The following ELMO1 variants were observed in gnomAD, a reference collection of about 807,000 sequenced individuals.
ELMO1 encodes the protein engulfment and cell motility 1.
Under a neutral mutation model 98.9 loss-of-function variants are expected in ELMO1, and 26 were observed. The ratio of observed to expected loss-of-function variants is 0.26; its 90% CI spans 0.19 to 0.36. The LOEUF (loss-of-function observed/expected upper bound fraction) is 0.36, where lower values mean the gene tolerates loss of function less well. Ranked by LOEUF, ELMO1 falls within the 10% of genes least tolerant of loss-of-function variation. ELMO1 has a pLI of 1.00. For missense variants in ELMO1, 627 were observed against 935.2 expected (o/e 0.67, Z 4.30); for synonymous variants, 346 against 346.0 (o/e 1.00, Z 0.00).
At chr7:37,160,783 G>A (rs1563044942) in intron 13 of ELMO1, among the ~76,000 whole-genome samples, 1 of 152,100 alleles carries the variant, frequency 6.6e-6, no homozygotes, top group Non-Finnish European at 1.5e-5. Context: ...CTTTCTGCAG[G>A]AGCCAAAGAG....
At chr7:37,386,969 A>AGTTTT (rs1188145423) in intron 1 of ELMO1, among the ~76,000 whole-genome samples, 3 of 152,222 alleles carry the variant, frequency 2.0e-5, no homozygotes, top group East Asian at 1.9e-4. Flanking sequence ...CCCAGGCAGT[A>AGTTTT]GTTTTGTTTT....
intron 2 of ELMO1, among the ~76,000 whole-genome samples, chr7:37,329,366 G>C (rs777091089): frequency 2.0e-4 from 31 of 152,126 alleles, no homozygotes; most frequent in Non-Finnish European, 4.4e-5. Context: ...AGAGTAATTA[G>C]CATACCCATC....
At chr7:37,183,260 C>A (rs1358770739) in intron 13 of ELMO1, among the ~76,000 whole-genome samples, 1 of 152,206 alleles carries the variant, frequency 6.6e-6, no homozygotes, top group Non-Finnish European at 1.5e-5. Flanking sequence ...TTCATTTTCA[C>A]AGCAACTAAA....
chr7:37,063,952 T>C (rs1256319923), intron 15 of ELMO1, among the ~76,000 whole-genome samples: 1 of 152,184 alleles, frequency 6.6e-6, no homozygotes, highest in Non-Finnish European at 1.5e-5. Context: ...ATTACAATCA[T>C]GCTCTTTCTG....
chr7:37,352,028 G>C (rs1331314689), intron 1 of ELMO1, among the ~76,000 whole-genome samples: 1 of 151,718 alleles, frequency 6.6e-6, no homozygotes, highest in African/African-American at 2.4e-5. Context: ...CAAAAATAAA[G>C]AGTCAGGATT....
intron 13 of ELMO1, among the ~76,000 whole-genome samples, chr7:37,178,344 G>A (rs1244260369): frequency 2.0e-5 from 3 of 151,746 alleles, no homozygotes; most frequent in Non-Finnish European, 4.4e-5. Context: ...AGAATAGCAT[G>A]GGAGAAACTG....
intron 16 of ELMO1, among the ~76,000 whole-genome samples, chr7:37,009,326 C>T (rs1793383079): frequency 6.6e-6 from 1 of 152,156 alleles, no homozygotes; most frequent in South Asian, 2.1e-4. Flanking sequence ...GATTATTCTG[C>T]AGAGTGCTAT....
chr7:37,204,824 G>A (rs916365148), intron 13 of ELMO1, among the ~76,000 whole-genome samples: 8 of 152,030 alleles, frequency 5.3e-5, no homozygotes, highest in Non-Finnish European at 8.8e-5. Flanking sequence ...TCCCCCACCC[G>A]ATTAGCTAGA....
chr7:37,348,106 A>T (rs1030399544), intron 1 of ELMO1, among the ~76,000 whole-genome samples: 1 of 152,152 alleles, frequency 6.6e-6, no homozygotes, highest in Non-Finnish European at 1.5e-5. Flanking sequence ...ATTTTAATAC[A>T]TAGCTGTTGT....
intron 16 of ELMO1, among the ~76,000 whole-genome samples, chr7:36,907,898 C>G (rs1000337697): frequency 3.9e-5 from 6 of 152,218 alleles, no homozygotes; most frequent in African/African-American, 1.4e-4. Context: ...GCACTATCCT[C>G]CATCTCCTAT....
At chr7:36,859,122 C>G (rs931197073) in intron 21 of ELMO1, among the ~76,000 whole-genome samples, 3 of 151,966 alleles carry the variant, frequency 2.0e-5, no homozygotes, top group Non-Finnish European at 2.9e-5. Flanking sequence ...AAAGAGAAAC[C>G]TGTAGATTCA....
intron 13 of ELMO1, among the ~76,000 whole-genome samples, chr7:37,206,410 C>G (rs982254947): frequency 5.3e-5 from 8 of 152,214 alleles, no homozygotes. Flanking sequence ...CAATGTTACT[C>G]TCACAATGAC....
intron 15 of ELMO1, among the ~76,000 whole-genome samples, chr7:37,073,965 T>A (rs1334390314): frequency 6.6e-6 from 1 of 151,152 alleles, no homozygotes; most frequent in African/African-American, 2.4e-5. Context: ...TGTGTGATAT[T>A]TTAGGAGAAG....
intron 16 of ELMO1, among the ~76,000 whole-genome samples, chr7:36,998,892 C>T (rs1415660768): frequency 6.6e-6 from 1 of 151,894 alleles, no homozygotes; most frequent in African/African-American, 2.4e-5. Flanking sequence ...AGAAACCGAG[C>T]TGCAGGGGCA....
chr7:37,429,205 G>C (rs898153470), intron 1 of ELMO1: 1 of 151,942 alleles, frequency 6.6e-6, no homozygotes, highest in Non-Finnish European at 1.5e-5. Context: ...CATCCATTCC[G>C]GGTGCTGCAG....
At chr7:37,179,493 G>A (rs560271509) in intron 13 of ELMO1, among the ~76,000 whole-genome samples, 3 of 152,122 alleles carry the variant, frequency 2.0e-5, no homozygotes, top group African/African-American at 7.2e-5. Context: ...TGCCCAGGCT[G>A]GTCTCGACCT....
intron 15 of ELMO1, among the ~76,000 whole-genome samples, chr7:37,047,600 T>G (rs1795867529): frequency 6.6e-6 from 1 of 152,230 alleles, no homozygotes; most frequent in Admixed American, 6.5e-5. Flanking sequence ...CCACCTCTTT[T>G]CCTGACTGGG....
chr7:37,309,239 T>C (rs1798773611), intron 4 of ELMO1, among the ~76,000 whole-genome samples: 1 of 151,736 alleles, frequency 6.6e-6, no homozygotes, highest in South Asian at 2.1e-4. Context: ...GGAATGAAAA[T>C]CAAGAGAAAG....
chr7:37,267,701 T>C (rs1796338342), intron 5 of ELMO1, among the ~76,000 whole-genome samples: 1 of 152,240 alleles, frequency 6.6e-6, no homozygotes, highest in Admixed American at 6.5e-5. Flanking sequence ...TTGAACTTCT[T>C]CTCAGATAGA....
Sources: allele counts gnomAD v4.1 joint callset (sites outside exome capture counted in the v4.1 genomes callset), GRCh38; gene constraint gnomAD v4.1.1; transcripts MANE v1.5; gene names NCBI Gene and HGNC (gene_info 2026-07-23, HGNC 2026-07-21).